Variants in RBM4 observed in about 807,000 individuals in gnomAD.
RBM4 encodes RNA binding motif protein 4, also known as RNA-binding protein 4.
RBM4 carries 7 observed loss-of-function variants against 29.5 expected under a neutral mutation model. The observed-to-expected ratio is 0.24, with a 90% CI of 0.14 to 0.45. The LOEUF (loss-of-function observed/expected upper bound fraction) is 0.45. Among genes scored for constraint, RBM4 ranks in the 20% least tolerant of loss-of-function variants. RBM4 has a pLI of 1.00. For synonymous variants in RBM4, 220 were observed against 205.4 expected (o/e 1.07, Z -0.61); for missense variants, 387 against 502.3 (o/e 0.77, Z 2.19).
At position 66,640,048 on chromosome 11, in the gene RBM4, T is replaced by G. The variant is rs1166169751; in HGVS notation, c.337T>G (p.Tyr113Asp). The G allele has an allele frequency of 1.2e-6, 2 of 1,614,212 alleles. No homozygotes were observed. The highest frequency in any genetic ancestry group is 1.7e-6 in the Non-Finnish European group (2 of 1,180,040). ...PVIECDIVKD[Y>D]AFVHMERAED... ...CATCGAATGTGACATCGTGAAAGAT[T>G]ATGCCTTCGTACACATGGAGCGGGC... Residue 113 changes from tyrosine to aspartate, a missense_variant, in exon 2 of 4, where the codon TAT (tyrosine) becomes GAT (aspartate). Coordinates refer to ENST00000310092, the MANE Select transcript of RBM4 (RefSeq NM_002896.4).
intron 2 of RBM4, chr11:66,641,273 A>G (rs1938450586): frequency 6.6e-6 from 1 of 152,120 alleles, no homozygotes; most frequent in Admixed American, 6.5e-5. Context: ...TCTGGGTACT[A>G]CCTTTGTTAA....
chr11:66,656,598 T>C (rs1050886348), intron 2 of RBM4, among the ~76,000 whole-genome samples: 40 of 152,284 alleles, frequency 2.6e-4, no homozygotes, highest in African/African-American at 7.5e-4. Context: ...TTTCAAACAA[T>C]AAAATATACC....
chr11:66,641,134 C>T (rs1320056971), intron 2 of RBM4: 2 of 152,020 alleles, frequency 1.3e-5, no homozygotes, highest in Non-Finnish European at 2.9e-5. Flanking sequence ...CCTTTTTTAG[C>T]TTAATTAAGC....
At chr11:66,654,181 A>G (rs1270811136) in intron 2 of RBM4, among the ~76,000 whole-genome samples, 1 of 151,964 alleles carries the variant, frequency 6.6e-6, no homozygotes, top group Non-Finnish European at 1.5e-5. Flanking sequence ...TATGCCACCA[A>G]ATCCTACTAT....
chr11:66,640,354 C>T (rs1176605680), intron 2 of RBM4: 3 of 624,880 alleles, frequency 4.8e-6, no homozygotes, highest in South Asian at 2.0e-5. Context: ...GGAGCCCCTA[C>T]GGCTTTTGTG....
downstream of RBM4, among the ~76,000 whole-genome samples, chr11:66,650,427 C>T (rs376603929): frequency 1.7e-3 from 265 of 152,062 alleles, no homozygotes; most frequent in African/African-American, 5.7e-3. Context: ...AAAAATTAGC[C>T]GGGCATGGTG....
chr11:66,666,861 T>C (rs1365370463), exon 3 of RBM4: 1 of 152,186 alleles, frequency 6.6e-6, no homozygotes, highest in Non-Finnish European at 1.5e-5. Context: ...TCATAACATT[T>C]GCTTCTCAAT....
At chr11:66,648,128 C>T (rs1217398836), downstream of RBM4, among the ~76,000 whole-genome samples, 1 of 152,032 alleles carries the variant, frequency 6.6e-6, no homozygotes, top group Non-Finnish European at 1.5e-5. Flanking sequence ...ATCGCTTGAA[C>T]CCAGGAGGCA....
At chr11:66,653,509 A>G (rs1224294377) in intron 2 of RBM4, among the ~76,000 whole-genome samples, 1 of 151,928 alleles carries the variant, frequency 6.6e-6, no homozygotes, top group Non-Finnish European at 1.5e-5. Flanking sequence ...CTATAGGCAC[A>G]TGCCACCACG....
intron 2 of RBM4, among the ~76,000 whole-genome samples, chr11:66,654,412 C>T (rs1384397311): frequency 2.6e-5 from 4 of 151,936 alleles, no homozygotes; most frequent in Non-Finnish European, 5.9e-5. Context: ...AGGAGAATGG[C>T]GTGAACCCGG....
At chr11:66,657,264 G>A (rs953937252) in intron 2 of RBM4, among the ~76,000 whole-genome samples, 1 of 151,734 alleles carries the variant, frequency 6.6e-6, no homozygotes, top group Non-Finnish European at 1.5e-5. Context: ...ACAGAGGTAT[G>A]CACCATTGCA....
rs1297400993 is a variant in RBM4 at position 66,644,117 on chromosome 11, G to A, written c.1080G>A (p.Arg360=). ...GGGAGCAGTATGCCGATCGGGCGCGGTACTCAGCCTTTTAAAGCTTGAGGT... is the reference window on the plus strand; with the variant it reads ...GGGAGCAGTATGCCGATCGGGCGCGATACTCAGCCTTTTAAAGCTTGAGGT... ...YEREQYADRA[R]YSAF is the part of the protein sequence containing the mutation. The change falls in exon 3 of 4, where the codon CGG becomes CGA. Residue 360 remains arginine, a synonymous_variant. Coordinates refer to ENST00000310092, the MANE Select transcript of RBM4 (RefSeq NM_002896.4). The A allele has an allele frequency of 6.2e-6, 10 of 1,613,040 alleles. No individual in the cohort carries two copies. The highest frequency in any genetic ancestry group is 1.7e-5 in the Admixed American group (1 of 59,936).
intron 2 of RBM4, among the ~76,000 whole-genome samples, chr11:66,664,674 G>A (rs1387575146): frequency 6.6e-6 from 1 of 151,440 alleles, no homozygotes; most frequent in East Asian, 2.0e-4. Context: ...TGGTCAGGCT[G>A]GTCTACCTGA....
At chr11:66,649,898 G>T, downstream of RBM4, 2 of 564,936 alleles carry the variant, frequency 3.5e-6, no homozygotes, top group Admixed American at 3.4e-5. Flanking sequence ...TTTTTCAAGA[G>T]TAATGCTTTA....
rs778778601 is a variant in RBM4, at chr11:66,643,784, G to C, written c.747G>C (p.Leu249=). 2 of 1,613,950 alleles carry C rather than the reference G, an allele frequency of 1.2e-6. No individual in the cohort carries two copies. The highest frequency in any genetic ancestry group is 1.7e-6 in the Non-Finnish European group (2 of 1,180,002). Residue 249 remains leucine, a synonymous_variant, in exon 3 of 4, where the codon CTG becomes CTC. Transcript: ENST00000310092. The surrounding 1 kb of genome is among the most constrained non-coding windows in gnomAD (Gnocchi z 6.1). ...TGTATAATTACGCAGAGCAGACCCT[G>C]TCCCAGCTGCCACAAGTCCAGAATA... ...ASVYNYAEQT[L]SQLPQVQNTA...
intron 2 of RBM4, among the ~76,000 whole-genome samples, chr11:66,656,062 G>A (rs989728568): frequency 6.6e-6 from 1 of 151,546 alleles, no homozygotes; most frequent in East Asian, 1.9e-4. Flanking sequence ...CCTCCGCCTC[G>A]CGGGTTCGAG....
At chr11:66,666,110 T>A (rs1939223409) in exon 3 of RBM4, 1 of 808,694 alleles carries the variant, frequency 1.2e-6, no homozygotes, top group Admixed American at 3.1e-5. Flanking sequence ...CACCTACATG[T>A]CACACTGTCA....
intron 2 of RBM4, among the ~76,000 whole-genome samples, chr11:66,663,726 GTGTA>G (rs1257281442): frequency 8.6e-5 from 13 of 151,544 alleles, no homozygotes; most frequent in East Asian, 5.8e-4. Flanking sequence ...GTGTGTGTGT[GTGTA>G]TATATGTTTT....
chr11:66,659,849 T>C (rs1234318838), intron 2 of RBM4, among the ~76,000 whole-genome samples: 3 of 152,210 alleles, frequency 2.0e-5, no homozygotes, highest in Non-Finnish European at 4.4e-5. Context: ...TCCAGGTCCA[T>C]CTTTTTCTTA....
Sources: gnomAD v4.1 joint callset for allele counts (sites outside exome capture counted in the v4.1 genomes callset) on GRCh38, gnomAD v4.1.1 for gene constraint, Gnocchi (gnomAD v3.1) non-coding constraint, MANE v1.5 for transcripts, NCBI Gene and HGNC (gene_info 2026-07-23, HGNC 2026-07-21) for gene names.